TTC13: variants seen among roughly 807,000 people sequenced by gnomAD.
TTC13 encodes tetratricopeptide repeat domain 13.
TTC13 carries 62 observed loss-of-function variants against 120.0 expected under a neutral mutation model. The observed-to-expected ratio is 0.52, with a 90% CI of 0.42 to 0.64. The LOEUF (loss-of-function observed/expected upper bound fraction) is 0.64. Among genes scored for constraint, TTC13 ranks in the 30% least tolerant of loss-of-function variants. The pLI is 0.00. For synonymous variants in TTC13, 384 were observed against 393.5 expected (o/e 0.98, Z 0.28); for missense variants, 824 against 1,050.2 (o/e 0.78, Z 2.98).
chr1:230,962,123 T>G (rs924583633), intron 1 of TTC13, among the ~76,000 whole-genome samples: 2 of 151,564 alleles, frequency 1.3e-5, no homozygotes, highest in Non-Finnish European at 2.9e-5. Context: ...GGCAGGAGAA[T>G]CGCTTGAACC....
At chr1:230,958,173 C>G in intron 3 of TTC13, 51 bp downstream of exon 3, 1 of 1,595,594 alleles carries the variant, frequency 6.3e-7, no homozygotes, top group Non-Finnish European at 8.6e-7. Context: ...ATGCATCTAA[C>G]CAAAACTTTG....
intron 9 of TTC13, 60 bp from the exon 10 acceptor site, chr1:230,931,937 A>G (rs1425043025): frequency 1.3e-5 from 20 of 1,531,670 alleles, no homozygotes; most frequent in Non-Finnish European, 1.8e-5. Context: ...ATACAGAATA[A>G]GCTATCCTCA....
chr1:230,961,093 T>C, intron 2 of TTC13, 116 bp downstream of exon 2: 2 of 676,528 alleles, frequency 3.0e-6, no homozygotes, highest in Non-Finnish European at 2.6e-6. Context: ...CTTTATCCTA[T>C]GCATGTAGAC....
At chr1:230,918,408 C>T (rs1249752661) in intron 17 of TTC13, among the ~76,000 whole-genome samples, 1 of 152,166 alleles carries the variant, frequency 6.6e-6, no homozygotes, top group African/African-American at 2.4e-5. Flanking sequence ...CTACTGCTTT[C>T]CGGCTTCTAG....
intron 16 of TTC13, among the ~76,000 whole-genome samples, chr1:230,920,926 C>G (rs1453206752): frequency 6.6e-6 from 1 of 152,120 alleles, no homozygotes; most frequent in Non-Finnish European, 1.5e-5. Context: ...TTTCCTATTC[C>G]AGCTCTAAAA....
At chr1:230,922,857 T>C (rs979434550) in intron 15 of TTC13, among the ~76,000 whole-genome samples, 1 of 152,208 alleles carries the variant, frequency 6.6e-6, no homozygotes, top group African/African-American at 2.4e-5. Context: ...CTCCCTTCTG[T>C]ATCCCCAACA....
intron 1 of TTC13, among the ~76,000 whole-genome samples, chr1:230,971,524 T>C (rs1445955681): frequency 2.6e-5 from 4 of 152,170 alleles, no homozygotes. Context: ...ACCTGAGATG[T>C]ATTATCGTAA....
rs188723537 is a variant in TTC13 at position 230,933,110 on chromosome 1, T to C, written c.983+669A>G. ...GCCTCAGCCTCCCAAGTAGTTGGGA[T>C]TACAGGAACCCACCACCATGCCTAG... On this transcript the variant is annotated intron_variant, in intron 9 of 22. Transcript: ENST00000366661. 9.9e-5 allele frequency among the ~76,000 whole-genome samples: 15 copies of C among 152,192 alleles called. 1 individual carries two copies. In the East Asian group the frequency reaches 2.9e-3, roughly 29 times the overall value.
intron 8 of TTC13, among the ~76,000 whole-genome samples, chr1:230,938,249 G>T (rs2102867750): frequency 6.6e-6 from 1 of 152,330 alleles, no homozygotes; most frequent in South Asian, 2.1e-4. Flanking sequence ...GGCTGCCTCT[G>T]TTTCGTTCTC....
At chr1:230,956,985 A>G (rs1676146996) in intron 3 of TTC13, among the ~76,000 whole-genome samples, 1 of 152,198 alleles carries the variant, frequency 6.6e-6, no homozygotes, top group African/African-American at 2.4e-5. Context: ...CAGGGCCTAC[A>G]CTACCCCAGG....
chr1:230,963,638 A>G (rs1172665928), intron 1 of TTC13, among the ~76,000 whole-genome samples: 1 of 7,742 alleles, frequency 1.3e-4, no homozygotes, highest in Non-Finnish European at 1.1e-3. Context: ...CTGTCTCAAA[A>G]TAAATAAATA....
chr1:230,946,557 G>A (rs1226238745), intron 4 of TTC13, among the ~76,000 whole-genome samples: 2 of 152,088 alleles, frequency 1.3e-5, no homozygotes, highest in South Asian at 2.1e-4. Flanking sequence ...TGGACTACAC[G>A]GTGTATGAAA....
chr1:230,933,929 A>T, intron 8 of TTC13, 68 bp from the exon 9 acceptor site: 1 of 1,015,768 alleles, frequency 9.8e-7, no homozygotes, highest in Non-Finnish European at 1.5e-6. Flanking sequence ...CTTAAATCAT[A>T]AAAGGATTTA....
At chr1:230,966,335 CA>C (rs371393690) in intron 1 of TTC13, among the ~76,000 whole-genome samples, 4,059 of 151,950 alleles carry the variant, frequency 0.027, 81 homozygotes, top group Middle Eastern at 0.086. Flanking sequence ...AGTTCCAAAA[CA>C]AAAAAATCTC....
intron 22 of TTC13, among the ~76,000 whole-genome samples, chr1:230,908,051 T>C (rs1671110485): frequency 6.6e-6 from 1 of 152,184 alleles, no homozygotes; most frequent in Non-Finnish European, 1.5e-5. Flanking sequence ...CTCAGAGTAA[T>C]GTAAAATGGG....
intron 1 of TTC13, among the ~76,000 whole-genome samples, chr1:230,970,883 TTAAAAG>T (rs967548778): frequency 6.6e-6 from 1 of 152,096 alleles, no homozygotes; most frequent in Non-Finnish European, 1.5e-5. Flanking sequence ...GAGCTACAAC[TTAAAAG>T]TAGAGTGCCA....
At chr1:230,909,474 T>C (rs1671269139) in intron 20 of TTC13, among the ~76,000 whole-genome samples, 1 of 152,008 alleles carries the variant, frequency 6.6e-6, no homozygotes, top group Non-Finnish European at 1.5e-5. Context: ...GTAACAAAAA[T>C]ACAAAAAATT....
chr1:230,958,344 ATG>A, intron 2 of TTC13, 45 bp from the exon 3 acceptor site: 2 of 1,560,734 alleles, frequency 1.3e-6, no homozygotes, highest in Non-Finnish European at 1.7e-6. Context: ...GCTATCACAA[ATG>A]AAAGAAAACT....
chr1:230,946,480 T>A (rs1278595013), intron 4 of TTC13, among the ~76,000 whole-genome samples: 1 of 152,190 alleles, frequency 6.6e-6, no homozygotes, highest in Non-Finnish European at 1.5e-5. Flanking sequence ...GCTACTCAAA[T>A]AGAATGAGAT....
Sources: gnomAD v4.1 joint callset for allele counts (sites outside exome capture counted in the v4.1 genomes callset) on GRCh38, gnomAD v4.1.1 for gene constraint, MANE v1.5 for transcripts, NCBI Gene and HGNC (gene_info 2026-07-23, HGNC 2026-07-21) for gene names.